The following KLHL11 variants were observed in gnomAD, a reference collection of about 807,000 sequenced individuals.
KLHL11 encodes the protein kelch like family member 11, also known as kelch-like protein 11.
A neutral mutation model predicts 56.1 loss-of-function variants in KLHL11; 26 were observed. That is an observed-to-expected ratio of 0.46 (90% CI 0.34 to 0.64). KLHL11 has a LOEUF of 0.64. KLHL11 is among the 30% of genes least tolerant of loss of function. The pLI, the probability that KLHL11 is intolerant of heterozygous loss-of-function variation, is 0.01. For missense variants in KLHL11, 627 were observed against 919.4 expected (o/e 0.68, Z 4.11); for synonymous variants, 338 against 345.8 (o/e 0.98, Z 0.25).
chr17:41,850,298 C>T lies in KLHL11; in HGVS notation c.*3442G>A, dbSNP rs2048325761. 6.6e-6 allele frequency: 1 copy of T among 152,164 alleles called. No individual in the cohort carries two copies. The highest frequency in any genetic ancestry group is 1.5e-5 in the Non-Finnish European group (1 of 68,012). The allele number at this position is 152,164 out of a possible 1,614,324, so 9.4% of individuals were successfully genotyped here. ...GAAAATCAGGAAAACCTGCACACAT[C>T]ATCATGCAATGAAGGACTTACCCCT... On this transcript the variant is annotated 3_prime_UTR_variant, in exon 2 of 2. Transcript: ENST00000319121.
chr17:41,853,639 G>A lies in KLHL11; in HGVS notation c.*101C>T, dbSNP rs556843474. 7.2e-5 allele frequency: 99 copies of A among 1,376,860 alleles called. No homozygotes were observed. The African/African-American group carries it at 1.1e-3, about 16-fold the overall frequency. The allele number at this position is 1,376,860 out of a possible 1,614,324, so 85.3% of individuals were successfully genotyped here. Reference sequence around the variant, plus strand: ...TTATATGGGGTAATAATCAGTTCATGTAGAAAATAAGTTATCGACATACTT... The same window carrying A: ...TTATATGGGGTAATAATCAGTTCATATAGAAAATAAGTTATCGACATACTT... On this transcript the variant is annotated 3_prime_UTR_variant, in exon 2 of 2. Transcript: ENST00000319121.
In KLHL11 at chr17:41,854,283, A is replaced by G. The variant is rs1555622273; in HGVS notation, c.1584T>C (p.Asp528=). The change falls in exon 2 of 2, where the codon GAT becomes GAC. Residue 528 remains aspartate, a synonymous_variant. Coordinates refer to ENST00000319121, the MANE Select transcript of KLHL11 (RefSeq NM_018143.3). This position sits in a 1 kb window ranked among gnomAD's most constrained non-coding sequence, Gnocchi z 4.9. ...CATCTTGCCACTGTCGAGTCTCTGT[A>G]TCATAGCAAGTAATTACAGCCTTTA... ...DGLKAVITCY[D]TETRQWQDVE... The G allele has an allele frequency of 6.2e-7, 1 of 1,614,234 alleles. No homozygotes were observed. The highest frequency in any genetic ancestry group is 1.7e-5 in the Admixed American group (1 of 60,016).
chr17:41,865,021 G>A lies in KLHL11; in HGVS notation c.350C>T (p.Ala117Val). Residue 117 changes from alanine (A) to valine (V), a missense_variant, in exon 1 of 2, where the codon GCC becomes GTC. Around this residue, in one of 4 missense-constraint regions of KLHL11, gnomAD observed 150 missense variants for 215.7 expected, o/e 0.70. Coordinates refer to ENST00000319121, the MANE Select transcript of KLHL11 (RefSeq NM_018143.3). ...CAGGGGCGTGAAGTACTCGGTGGCG[G>A]CAGCCAGTACCGAGCGGTGGGCCCG... is the stretch of plus-strand genomic sequence containing the variant. ...EFRAHRSVLA[A>V]ATEYFTPLLS... is the part of the protein sequence containing the mutation. 6.3e-7 allele frequency: 1 copy of A among 1,598,634 alleles called. No individual in the cohort carries two copies. Among genetic ancestry groups the A allele is most frequent in the Non-Finnish European group, 8.5e-7 (1 of 1,171,792 alleles).
Position 41,854,110 on chromosome 17 carries a change from T to G in KLHL11, c.1757A>C (p.Asp586Ala), listed in dbSNP as rs782743130. 8 of 1,614,120 alleles carry G rather than the reference T, an allele frequency of 5.0e-6. No individual in the cohort carries two copies. Among genetic ancestry groups the G allele is most frequent in the Non-Finnish European group, 6.8e-6 (8 of 1,180,048 alleles). The change falls in exon 2 of 2, where the codon GAT becomes GCT. Residue 586 changes from aspartate to alanine, a missense_variant. Physicochemically the swap from Asp to Ala is moderately radical, Grantham distance 126. This residue lies in a region of KLHL11 where 250 missense variants were observed against 360.6 expected (regional missense o/e 0.69). Transcript: ENST00000319121. This position sits in a 1 kb window ranked among gnomAD's most constrained non-coding sequence, Gnocchi z 4.9. The part of the protein sequence containing the change: ...AVRKIASQVS[D>A]EILESLPPEV... The stretch of plus-strand genomic sequence containing the variant: ...TGGAGGCAAGCTTTCAAGGATCTCA[T>G]CAGACACTTGGCTGGCAATTTTTCT...
chr17:41,853,758 G>A lies in KLHL11; in HGVS notation c.2109C>T (p.Ser703=), dbSNP rs1346672815. 2 of 1,611,464 alleles carry A rather than the reference G, an allele frequency of 1.2e-6. No individual in the cohort carries two copies. Among genetic ancestry groups the A allele is most frequent in the African/African-American group, 2.7e-5 (2 of 74,880 alleles). Residue 703 remains serine (S), a synonymous_variant, in exon 2 of 2, where the codon AGC becomes AGT. Coordinates refer to ENST00000319121, the MANE Select transcript of KLHL11 (RefSeq NM_018143.3). The stretch of plus-strand genomic sequence containing the variant: ...AGAGAACCTAGCATTCAATCTGAGA[G>A]CTTGGCACTCGCCTCATGTTCAGGG... The part of the protein sequence containing the change: ...RHALNMRRVP[S]SQIEC
intron 1 of KLHL11, among the ~76,000 whole-genome samples, chr17:41,859,986 C>T (rs2048392685): frequency 1.3e-5 from 2 of 152,138 alleles, no homozygotes; most frequent in African/African-American, 4.8e-5. Flanking sequence ...TCAGGCCTCT[C>T]GCAATTCAGT....
In KLHL11 at chr17:41,853,920, T is replaced by C. The variant is rs146181967; in HGVS notation, c.1947A>G (p.Gln649=). 10,247 of 1,614,006 alleles carry C rather than the reference T, an allele frequency of 6.3e-3. 43 individuals are homozygous for C. Among genetic ancestry groups the C allele is most frequent in the Middle Eastern group, 8.4e-3 (51 of 6,060 alleles). ...GACAAGCAGTGGCTCTACAACGAGGTTGTGGCATAGGAGGAAGAAGCATCC... is the reference window on the plus strand; with the variant it reads ...GACAAGCAGTGGCTCTACAACGAGGCTGTGGCATAGGAGGAAGAAGCATCC... The part of the protein sequence containing the change: ...KRWMLLPPMP[Q]PRCRATACHV... The change falls in exon 2 of 2, where the codon CAA becomes CAG. Residue 649 remains glutamine (Q), a synonymous_variant. Transcript: ENST00000319121.
chr17:41,862,453 T>TTC (rs59297881), intron 1 of KLHL11, among the ~76,000 whole-genome samples: 2 of 151,100 alleles, frequency 1.3e-5, no homozygotes, highest in African/African-American at 2.4e-5. Context: ...TTTTTTTTTT[T>TTC]GTATTTTTAG....
Position 41,851,322 on chromosome 17 carries a change from G to T in KLHL11, c.*2418C>A, listed in dbSNP as rs780070885. On this transcript the variant is annotated 3_prime_UTR_variant, in exon 2 of 2. Transcript: ENST00000319121. ...ACTGAGCATTAAGAGTAAATTTGAG[G>T]GCTGGGCATGGTGGCTCATGCCTGT... 6.6e-6 allele frequency: 1 copy of T among 152,146 alleles called. No homozygotes were observed. 9.4% of individuals were successfully genotyped at this position (152,146 alleles called of 1,614,324 possible). A position where few individuals can be genotyped will look rare whatever the true frequency, so the allele number is the denominator to read the frequency against.
At chr17:41,859,705 G>A (rs1555622899) in intron 1 of KLHL11, among the ~76,000 whole-genome samples, 1 of 152,166 alleles carries the variant, frequency 6.6e-6, no homozygotes, top group African/African-American at 2.4e-5. Context: ...CTGAGATCAC[G>A]CCACTGCACT....
intron 1 of KLHL11, among the ~76,000 whole-genome samples, chr17:41,855,918 C>T (rs1488423771): frequency 7.3e-5 from 11 of 151,676 alleles, no homozygotes; most frequent in East Asian, 3.9e-4. Flanking sequence ...CAAAGTTATC[C>T]GCCTCCCTCG....
At chr17:41,863,158 G>GC (rs1340662328) in intron 1 of KLHL11, among the ~76,000 whole-genome samples, 6 of 149,450 alleles carry the variant, frequency 4.0e-5, no homozygotes, top group Admixed American at 1.3e-4. Flanking sequence ...TGCCCTTGGT[G>GC]CCCCCTCCTC....
intron 1 of KLHL11, among the ~76,000 whole-genome samples, chr17:41,862,691 C>T (rs942668148): frequency 3.9e-5 from 6 of 152,154 alleles, no homozygotes; most frequent in African/African-American, 1.4e-4. Flanking sequence ...TGAGCCACTT[C>T]GCCCAGCCGG....
At position 41,865,386 on chromosome 17, in the gene KLHL11, C is replaced by T. The variant is rs1029052857; in HGVS notation, c.-16G>A. 3 of 1,368,332 alleles carry T rather than the reference C, an allele frequency of 2.2e-6. No individual in the cohort carries two copies. Among genetic ancestry groups the T allele is most frequent in the African/African-American group, 3.1e-5 (2 of 64,802 alleles). The allele number at this position is 1,368,332 out of a possible 1,614,324, so 84.8% of individuals were successfully genotyped here. A position where few individuals can be genotyped will look rare whatever the true frequency, so the allele number is the denominator to read the frequency against. ...CAGCCGCCATCTTGACGCCGCTGCG[C>T]CCGGCCTCCACAGCCTCGGAACGAT... is the stretch of plus-strand genomic sequence containing the variant. On this transcript the variant is annotated 5_prime_UTR_variant, in exon 1 of 2. Transcript: ENST00000319121.
In KLHL11 at chr17:41,853,816, C is replaced by T. The variant is rs782543127; in HGVS notation, c.2051G>A (p.Arg684His). The change falls in exon 2 of 2, where the codon CGC becomes CAC. Residue 684 changes from arginine to histidine, a missense_variant. Transcript: ENST00000319121. The stretch of plus-strand genomic sequence containing the variant: ...ATGTATCTCTTGCATCTGTCTGATG[C>T]GGTCCTTCTGCCACATCAGGTTTTG... ...MPQNLMWQKD[R>H]IRQMQEIHRH... 16 of 1,613,976 alleles carry T rather than the reference C, an allele frequency of 9.9e-6. No homozygotes were observed. Among genetic ancestry groups the T allele is most frequent in the Middle Eastern group, 3.3e-4 (2 of 6,070 alleles).
chr17:41,863,213 CAG>C (rs1555623219), intron 1 of KLHL11, among the ~76,000 whole-genome samples: 3 of 141,232 alleles, frequency 2.1e-5, no homozygotes, highest in African/African-American at 5.3e-5. Context: ...TTTTTTGAGA[CAG>C]AGTCTTGTTC....
At chr17:41,864,775 C>T (rs2048426513) in intron 1 of KLHL11, 51 bp downstream of exon 1, 1 of 1,466,500 alleles carries the variant, frequency 6.8e-7, no homozygotes, top group Non-Finnish European at 9.0e-7. Flanking sequence ...CAGCGAGCAT[C>T]TCCCCCTCTC....
At chr17:41,861,429 G>T (rs2048401753) in intron 1 of KLHL11, among the ~76,000 whole-genome samples, 1 of 152,166 alleles carries the variant, frequency 6.6e-6, no homozygotes, top group Non-Finnish European at 1.5e-5. Context: ...GCCAGGTGCG[G>T]TGGCTCACGC....
At chr17:41,858,669 G>T (rs1343588365) in intron 1 of KLHL11, among the ~76,000 whole-genome samples, 1 of 152,012 alleles carries the variant, frequency 6.6e-6, no homozygotes, top group East Asian at 1.9e-4. Context: ...CTTCACCTCA[G>T]GTGATCCACC....
Sources: allele counts gnomAD v4.1 joint callset (sites outside exome capture counted in the v4.1 genomes callset), GRCh38; gene constraint gnomAD v4.1.1; regional missense constraint gnomAD v4.1.1; non-coding constraint Gnocchi (gnomAD v3.1); transcripts MANE v1.5; gene names NCBI Gene and HGNC (gene_info 2026-07-23, HGNC 2026-07-21).